Variants in RNF214 observed in about 807,000 individuals in gnomAD.
RNF214 encodes the protein ring finger protein 214.
RNF214 carries 25 observed loss-of-function variants against 75.9 expected under a neutral mutation model. The observed-to-expected ratio is 0.33, with a 90% CI of 0.24 to 0.46. RNF214 has a LOEUF of 0.46. RNF214 is among the 20% of genes least tolerant of loss of function. RNF214 has a pLI of 1.00. For synonymous variants in RNF214, 314 were observed against 308.8 expected, an observed-to-expected ratio of 1.02 and a Z score of -0.18; for missense variants, 725 against 857.5, an observed-to-expected ratio of 0.85 and a Z score of 1.93.
At chr11:117,261,567 A>C (rs762620628) in intron 6 of RNF214, among the ~76,000 whole-genome samples, 1 of 152,168 alleles carries the variant, frequency 6.6e-6, no homozygotes, top group Non-Finnish European at 1.5e-5. Flanking sequence ...GCAACAGAGC[A>C]AGACTCTATC....
At chr11:117,260,127 G>C (rs948442610) in intron 6 of RNF214, among the ~76,000 whole-genome samples, 3 of 149,134 alleles carry the variant, frequency 2.0e-5, no homozygotes, top group African/African-American at 7.4e-5. Context: ...ATGTGTGTTT[G>C]TTTTTTTATA....
rs571629498 is a variant in RNF214, at chr11:117,285,600, T to C, written c.*449T>C. 6.5e-6 allele frequency: 1 copy of C among 153,736 alleles called. No homozygotes were observed. The highest frequency in any genetic ancestry group is 2.1e-4 in the South Asian group (1 of 4,870). 9.5% of individuals were successfully genotyped at this position (153,736 alleles called of 1,614,324 possible). A position where few individuals can be genotyped will look rare whatever the true frequency, so the allele number is the denominator to read the frequency against. ...CCACTGTCCAACCAGATGCCTTGCTTACCGAAAGCCTCCAGAAGCCTCAGT... is the reference window on the plus strand; with the variant it reads ...CCACTGTCCAACCAGATGCCTTGCTCACCGAAAGCCTCCAGAAGCCTCAGT... On this transcript the variant is annotated 3_prime_UTR_variant, in exon 15 of 15. Transcript: ENST00000300650.
At chr11:117,262,360 T>A (rs1408639840) in intron 6 of RNF214, among the ~76,000 whole-genome samples, 1 of 152,186 alleles carries the variant, frequency 6.6e-6, no homozygotes, top group East Asian at 1.9e-4. Context: ...GTGCTGGGAT[T>A]ACAGGCTTGA....
Position 117,285,079 on chromosome 11 carries a change from T to C in RNF214, c.2047-7T>C. On this transcript the variant is annotated splice_region_variant and splice_polypyrimidine_tract_variant and intron_variant, in intron 14 of 14. Coordinates refer to ENST00000300650, the MANE Select transcript of RNF214 (RefSeq NM_207343.4). ...TAAACCTGAGGTGTGTCTTTCTTTC[T>C]TTCCAGTGTATCAAATTCTGGGCCC... The C allele has an allele frequency of 6.2e-7, 1 of 1,605,152 alleles. No individual in the cohort carries two copies. Among genetic ancestry groups the C allele is most frequent in the Non-Finnish European group, 8.5e-7 (1 of 1,172,052 alleles).
Position 117,238,964 on chromosome 11 carries a change from C to G in RNF214, c.471C>G (p.Thr157=). Residue 157 remains threonine, a synonymous_variant, in exon 3 of 15, where the codon ACC becomes ACG. Transcript: ENST00000300650. ...GCTCTGAAGAGAAATCCCCACAAAC[C>G]TCCATCCTAAAGGAAGGTAACAGGG... ...RNCSEEKSPQ[T]SILKEGNRDT... 6.2e-7 allele frequency: 1 copy of G among 1,614,210 alleles called. No individual in the cohort carries two copies. Among genetic ancestry groups the G allele is most frequent in the South Asian group, 1.1e-5 (1 of 91,086 alleles).
intron 6 of RNF214, among the ~76,000 whole-genome samples, chr11:117,254,233 A>C (rs978167978): frequency 2.0e-5 from 3 of 152,064 alleles, no homozygotes; most frequent in Admixed American, 1.3e-4. Context: ...TGGGTGACAG[A>C]GCAAGACTCC....
intron 6 of RNF214, among the ~76,000 whole-genome samples, chr11:117,277,189 A>G (rs2034031034): frequency 6.6e-6 from 1 of 152,138 alleles, no homozygotes; most frequent in African/African-American, 2.4e-5. Flanking sequence ...CTAAAAATAC[A>G]AAAATTAGCC....
At chr11:117,283,345 A>G (rs1290300373) in intron 14 of RNF214, 135 bp downstream of exon 14, 2 of 646,788 alleles carry the variant, frequency 3.1e-6, no homozygotes, top group Non-Finnish European at 5.5e-6. Context: ...GGTGCTCATC[A>G]TTAATATCTT....
At chr11:117,259,463 A>G (rs1045155681) in intron 6 of RNF214, among the ~76,000 whole-genome samples, 1 of 152,226 alleles carries the variant, frequency 6.6e-6, no homozygotes. Flanking sequence ...TGTAGGGTAG[A>G]TGTATGAACA....
At chr11:117,245,222 G>A (rs2033183756) in intron 5 of RNF214, among the ~76,000 whole-genome samples, 1 of 151,136 alleles carries the variant, frequency 6.6e-6, no homozygotes, top group Non-Finnish European at 1.5e-5. Context: ...GGGAGGCTGA[G>A]GTGGGAGGAT....
chr11:117,253,899 G>A (rs965282793), intron 6 of RNF214, among the ~76,000 whole-genome samples: 1 of 152,122 alleles, frequency 6.6e-6, no homozygotes, highest in South Asian at 2.1e-4. Context: ...CAATTCATAG[G>A]ATAGGTAAGT....
chr11:117,250,034 G>C (rs951831612), intron 6 of RNF214, among the ~76,000 whole-genome samples: 2 of 152,212 alleles, frequency 1.3e-5, no homozygotes, highest in Admixed American at 6.5e-5. Flanking sequence ...GGCCTGGAGA[G>C]TAAAAAGTCT....
rs187342976 is a variant in RNF214 at position 117,247,202 on chromosome 11, G to A, written c.959+254G>A. Among the ~76,000 whole-genome samples, 204 of 152,194 alleles carry A rather than the reference G, an allele frequency of 1.3e-3. 1 individual carries two copies. The highest frequency in any genetic ancestry group is 4.7e-3 in the African/African-American group (197 of 41,526). ...GAGTCCCAAGTGTGGTCAAGAGTTC[G>A]ATACGGGCTGGACGTAGCGGCTCAC... On this transcript the variant is annotated intron_variant, in intron 6 of 14. Transcript: ENST00000300650.
intron 6 of RNF214, among the ~76,000 whole-genome samples, chr11:117,276,062 A>G (rs181047355): frequency 7.2e-5 from 11 of 152,354 alleles, no homozygotes; most frequent in Admixed American, 5.9e-4. Context: ...GCTTCATCCC[A>G]GTGAGGCAAG....
At chr11:117,279,063 C>T (rs551508995) in intron 6 of RNF214, among the ~76,000 whole-genome samples, 1 of 152,260 alleles carries the variant, frequency 6.6e-6, no homozygotes, top group African/African-American at 2.4e-5. Flanking sequence ...TAGCACTGTA[C>T]TCTGGTCTGG....
intron 3 of RNF214, 99 bp downstream of exon 3, chr11:117,239,210 G>C (rs1025041712): frequency 7.5e-7 from 1 of 1,340,116 alleles, no homozygotes; most frequent in Non-Finnish European, 1.0e-6. Flanking sequence ...TTGCTGGCTT[G>C]TTTTGTTTTT....
intron 6 of RNF214, among the ~76,000 whole-genome samples, chr11:117,274,807 A>G (rs766959626): frequency 1.3e-5 from 2 of 151,710 alleles, no homozygotes; most frequent in Non-Finnish European, 2.9e-5. Flanking sequence ...CCCAAGTAGA[A>G]CACAGATGGG....
At chr11:117,260,842 CG>C (rs745747635) in intron 6 of RNF214, among the ~76,000 whole-genome samples, 2 of 150,138 alleles carry the variant, frequency 1.3e-5, no homozygotes, top group Admixed American at 1.3e-4. Flanking sequence ...TTTGTAGAGA[CG>C]GGGTTTCTCC....
intron 6 of RNF214, among the ~76,000 whole-genome samples, chr11:117,277,955 C>T (rs938777180): frequency 6.7e-6 from 1 of 148,408 alleles, no homozygotes; most frequent in Non-Finnish European, 1.5e-5. Context: ...GACTGGGCAA[C>T]AGATAGAGAC....
Sources: gnomAD v4.1 joint callset for allele counts (sites outside exome capture counted in the v4.1 genomes callset) on GRCh38, gnomAD v4.1.1 for gene constraint, MANE v1.5 for transcripts, NCBI Gene and HGNC (gene_info 2026-07-23, HGNC 2026-07-21) for gene names.